Variants in SYNE2 observed in about 807,000 individuals in gnomAD.
The protein encoded by SYNE2 is spectrin repeat containing nuclear envelope protein 2.
In SYNE2, 431 loss-of-function variants were observed where a neutral mutation model predicts 856.3. The ratio of observed to expected loss-of-function variants is 0.50; its 90% CI spans 0.47 to 0.55. The LOEUF is 0.55. Among genes scored for constraint, SYNE2 ranks in the 20% least tolerant of loss-of-function variants. SYNE2 has a pLI of 0.00. For synonymous variants in SYNE2, 2,923 were observed against 2,872.3 expected, an observed-to-expected ratio of 1.02 and a Z score of -0.56; for missense variants, 8,129 against 8,023.2, an observed-to-expected ratio of 1.01 and a Z score of -0.50.
At chr14:64,184,231 G>C (rs572470309) in intron 96 of SYNE2, among the ~76,000 whole-genome samples, 2 of 152,116 alleles carry the variant, frequency 1.3e-5, no homozygotes, top group Non-Finnish European at 1.5e-5. Flanking sequence ...CACCATGGCA[G>C]GTTCTGGGCA....
intron 1 of SYNE2, among the ~76,000 whole-genome samples, chr14:63,766,247 T>G (rs1337453649): frequency 6.6e-6 from 1 of 151,782 alleles, no homozygotes; most frequent in African/African-American, 2.4e-5. Flanking sequence ...CCTGGCTAAT[T>G]TTTTGTATTT....
chr14:64,128,119 G>A (rs1198307457), intron 73 of SYNE2, among the ~76,000 whole-genome samples: 1 of 152,170 alleles, frequency 6.6e-6, no homozygotes, highest in African/African-American at 2.4e-5. Flanking sequence ...CAGGGGAGGA[G>A]TATGTTGGAG....
At chr14:63,834,873 C>A (rs1043089899) in intron 1 of SYNE2, among the ~76,000 whole-genome samples, 1 of 148,216 alleles carries the variant, frequency 6.7e-6, no homozygotes, top group Non-Finnish European at 1.5e-5. Flanking sequence ...CTCTTGACCT[C>A]GTGATCCACC....
intron 1 of SYNE2, among the ~76,000 whole-genome samples, chr14:63,792,503 G>A (rs1366311202): frequency 2.0e-5 from 3 of 152,076 alleles, no homozygotes; most frequent in Non-Finnish European, 2.9e-5. Flanking sequence ...TGCAGTGAGT[G>A]AAGATTGTGC....
chr14:63,762,142 G>C (rs1428925271), intron 1 of SYNE2: 1 of 383,204 alleles, frequency 2.6e-6, no homozygotes, highest in South Asian at 2.1e-5. Flanking sequence ...TAGAAAGCAA[G>C]TTAAAGTGGC....
At chr14:64,213,068 T>A in intron 105 of SYNE2, 63 bp downstream of exon 105, 1 of 1,566,884 alleles carries the variant, frequency 6.4e-7, no homozygotes, top group Non-Finnish European at 8.8e-7. Context: ...AGACCAAATT[T>A]TTAAAGAATT....
rs1018320740 is a variant in SYNE2, at chr14:64,091,167, A to G, written c.11976+119A>G. 4.5e-6 allele frequency: 4 copies of G among 887,568 alleles called. No individual in the cohort carries two copies. The African/African-American group carries it at 5.0e-5, about 11-fold the overall frequency. 55.0% of individuals were successfully genotyped at this position (887,568 alleles called of 1,614,324 possible). Reference sequence around the variant, plus strand: ...CTATTATTGTAGGAGGTGGCATTTGATATAAAAGCATATCTTCATGCTCAA... The same window carrying G: ...CTATTATTGTAGGAGGTGGCATTTGGTATAAAAGCATATCTTCATGCTCAA... On this transcript the variant is annotated intron_variant, in intron 60 of 115. Transcript: ENST00000555002.
intron 2 of SYNE2, among the ~76,000 whole-genome samples, chr14:63,939,434 G>A (rs1465008197): frequency 1.4e-5 from 2 of 143,198 alleles, no homozygotes; most frequent in African/African-American, 5.3e-5. Flanking sequence ...TGCAACCTCC[G>A]CCTCCTCGGT....
Position 64,065,570 on chromosome 14 carries a change from C to G in SYNE2, c.10351C>G (p.Leu3451Val), listed in dbSNP as rs2097352586. 1.2e-6 allele frequency: 2 copies of G among 1,613,934 alleles called. No homozygotes were observed. Among genetic ancestry groups the G allele is most frequent in the Non-Finnish European group, 8.5e-7 (1 of 1,180,038 alleles). The change falls in exon 51 of 116, where the codon CTG becomes GTG. Residue 3451 changes from leucine to valine, a missense_variant. Leu to Val is a conservative substitution (Grantham distance 32). Coordinates refer to ENST00000555002, the MANE Select transcript of SYNE2 (RefSeq NM_182914.3). ...TGTGTCGGCTCTGTGGGAGAAATGGCTGAGTTTGCTGGAAGCTGCTAAAGA... is the reference window on the plus strand; with the variant it reads ...TGTGTCGGCTCTGTGGGAGAAATGGGTGAGTTTGCTGGAAGCTGCTAAAGA... ...KIVSALWEKW[L>V]SLLEAAKEWE...
rs556177674 is a variant in SYNE2, at chr14:64,098,929, G to A, written c.12381+108G>A. ...AAACCTAAGAATTTTTAAAATTAAT[G>A]TTGATATTTTAAAAGTATGATTGAA... On this transcript the variant is annotated intron_variant, in intron 63 of 115. Coordinates refer to ENST00000555002, the MANE Select transcript of SYNE2 (RefSeq NM_182914.3). The A allele has an allele frequency of 1.0e-5, 11 of 1,098,740 alleles. No individual in the cohort carries two copies. The South Asian group carries it at 1.1e-4, about 11-fold the overall frequency. 68.1% of individuals were successfully genotyped at this position (1,098,740 alleles called of 1,614,324 possible). A position where few individuals can be genotyped will look rare whatever the true frequency, so the allele number is the denominator to read the frequency against.
intron 64 of SYNE2, among the ~76,000 whole-genome samples, chr14:64,104,041 A>T (rs2097755430): frequency 6.6e-6 from 1 of 152,176 alleles, no homozygotes; most frequent in Non-Finnish European, 1.5e-5. Flanking sequence ...TCCTATACTC[A>T]GCTCAGTATG....
At chr14:63,788,334 A>C (rs1595110577) in intron 1 of SYNE2, among the ~76,000 whole-genome samples, 2 of 151,910 alleles carry the variant, frequency 1.3e-5, no homozygotes, top group Admixed American at 6.6e-5. Flanking sequence ...TGCACCAGGG[A>C]GTTCTCGCCC....
At chr14:64,129,728 G>A in intron 74 of SYNE2, 54 bp from the exon 75 acceptor site, 1 of 1,610,986 alleles carries the variant, frequency 6.2e-7, no homozygotes, top group Admixed American at 1.7e-5. Context: ...ATAACTATGT[G>A]TACTTCTCTG....
intron 6 of SYNE2, among the ~76,000 whole-genome samples, 164 bp from the exon 7 acceptor site, chr14:63,949,661 A>G (rs1355031527): frequency 9.2e-5 from 14 of 152,198 alleles, no homozygotes; most frequent in Non-Finnish European, 2.1e-4. Context: ...TGCAGCCCCC[A>G]TGGCAGATGC....
intron 1 of SYNE2, among the ~76,000 whole-genome samples, chr14:63,765,115 A>C (rs1886624632): frequency 6.6e-6 from 1 of 152,124 alleles, no homozygotes; most frequent in Non-Finnish European, 1.5e-5. Context: ...AGAGAGGGGG[A>C]GAAATCCCAC....
rs556515722 is a variant in SYNE2, at chr14:64,042,867, C to G, written c.7222-5133C>G. 5.3e-5 allele frequency among the ~76,000 whole-genome samples: 8 copies of G among 152,172 alleles called. 1 individual carries two copies. The highest frequency in any genetic ancestry group is 1.9e-4 in the African/African-American group (8 of 41,502). The stretch of plus-strand genomic sequence containing the variant: ...AAGTGGGGCATTGCTGAAAAGATAC[C>G]TGAAAATGTGGAAGTGACTTAGGAA... On this transcript the variant is annotated intron_variant, in intron 45 of 115. Transcript: ENST00000555002.
rs768645480 is a variant in SYNE2 at position 64,167,551 on chromosome 14, T to C, written c.16817T>C (p.Ile5606Thr). 3 of 1,614,090 alleles carry C rather than the reference T, an allele frequency of 1.9e-6. No individual in the cohort carries two copies. The highest frequency in any genetic ancestry group is 1.7e-5 in the Admixed American group (1 of 60,006). The change falls in exon 92 of 116, where the codon ATC (isoleucine) becomes ACC (threonine). Residue 5606 changes from isoleucine (I) to threonine (T), a missense_variant. Ile to Thr is a moderately conservative substitution (Grantham distance 89, BLOSUM62 -1). This residue lies in a region of SYNE2 where 5,410 missense variants were observed against 5,284.8 expected (regional missense o/e 1.02). Coordinates refer to ENST00000555002, the MANE Select transcript of SYNE2 (RefSeq NM_182914.3). ...TTTCTTTATTGCTGTGAAAAGTGGA[T>C]CCAACTTTTGGAGAAGATAGAAGAA... Reference protein sequence around the residue: ...EKFLYCCEKWIQLLEKIEEAL... With the variant: ...EKFLYCCEKWTQLLEKIEEAL...
At chr14:64,100,861 G>GT (rs530237906) in intron 63 of SYNE2, among the ~76,000 whole-genome samples, 5,774 of 141,236 alleles carry the variant, frequency 0.041, 321 homozygotes, top group African/African-American at 0.14. Context: ...GCTTCTATGA[G>GT]TTTTTTTTTT....
intron 45 of SYNE2, among the ~76,000 whole-genome samples, chr14:64,036,036 C>T (rs2097086732): frequency 6.6e-6 from 1 of 152,004 alleles, no homozygotes; most frequent in African/African-American, 2.4e-5. Flanking sequence ...TAGGATTAAA[C>T]ACATTCAAAT....
Sources: allele counts gnomAD v4.1 joint callset (sites outside exome capture counted in the v4.1 genomes callset), GRCh38; gene constraint gnomAD v4.1.1; regional missense constraint gnomAD v4.1.1; transcripts MANE v1.5; gene names NCBI Gene and HGNC (gene_info 2026-07-23, HGNC 2026-07-21).